GRM8: variants seen among roughly 807,000 people sequenced by gnomAD.
GRM8 encodes metabotropic glutamate receptor 8.
In GRM8, 47 loss-of-function variants were observed where a neutral mutation model predicts 87.2. The ratio of observed to expected loss-of-function variants is 0.54; its 90% CI spans 0.43 to 0.69. GRM8 has a LOEUF of 0.69. GRM8 is among the 30% of genes least tolerant of loss of function. The pLI is 0.00. For missense variants in GRM8, 1,019 were observed against 1,139.2 expected (o/e 0.89, Z 1.52); for synonymous variants, 396 against 404.5 (o/e 0.98, Z 0.25).
At chr7:127,004,606 T>C (rs370217604) in intron 3 of GRM8, among the ~76,000 whole-genome samples, 11 of 151,690 alleles carry the variant, frequency 7.3e-5, no homozygotes, top group Admixed American at 2.6e-4. Flanking sequence ...AATGATCATC[T>C]GTAAGAAAGT....
intron 9 of GRM8, among the ~76,000 whole-genome samples, chr7:126,455,456 C>T (rs1181009328): frequency 1.3e-5 from 2 of 151,418 alleles, no homozygotes; most frequent in African/African-American, 4.8e-5. Flanking sequence ...ATAATAGAGG[C>T]ACAGTTAAAG....
At chr7:127,073,070 T>C (rs1219500920) in intron 3 of GRM8, among the ~76,000 whole-genome samples, 5 of 151,984 alleles carry the variant, frequency 3.3e-5, no homozygotes, top group African/African-American at 1.2e-4. Context: ...GGAGAGTCAG[T>C]CATCACCGCC....
chr7:126,994,712 C>T (rs1813010052), intron 3 of GRM8, among the ~76,000 whole-genome samples: 1 of 152,102 alleles, frequency 6.6e-6, no homozygotes, highest in South Asian at 2.1e-4. Context: ...TGAGTACCAG[C>T]TTAGCCACAA....
intron 6 of GRM8, among the ~76,000 whole-genome samples, chr7:126,813,863 A>G (rs948763050): frequency 4.6e-5 from 7 of 152,080 alleles, no homozygotes; most frequent in Non-Finnish European, 1.0e-4. Flanking sequence ...CTCATGTTTT[A>G]TGGGAGCCAT....
At chr7:126,454,174 G>T (rs2150495326) in intron 9 of GRM8, among the ~76,000 whole-genome samples, 1 of 151,850 alleles carries the variant, frequency 6.6e-6, no homozygotes, top group South Asian at 2.1e-4. Flanking sequence ...ATTTATCTCT[G>T]AACTATATTT....
At chr7:126,936,319 T>C (rs1450739268) in intron 3 of GRM8, among the ~76,000 whole-genome samples, 1 of 152,176 alleles carries the variant, frequency 6.6e-6, no homozygotes, top group Non-Finnish European at 1.5e-5. Context: ...TTTTCTTTCC[T>C]ATCACTTTTC....
intron 9 of GRM8, among the ~76,000 whole-genome samples, chr7:126,528,210 A>G (rs1814193692): frequency 6.6e-6 from 1 of 151,988 alleles, no homozygotes; most frequent in Admixed American, 6.6e-5. Context: ...TCCATCTCAA[A>G]AAACAACGAC....
chr7:127,016,617 A>G (rs1815697607), intron 3 of GRM8, among the ~76,000 whole-genome samples: 2 of 152,104 alleles, frequency 1.3e-5, no homozygotes, highest in African/African-American at 4.8e-5. Flanking sequence ...AATGAAATGT[A>G]TCATAAACCA....
At chr7:126,977,001 T>C (rs10245486) in intron 3 of GRM8, among the ~76,000 whole-genome samples, 8,468 of 152,188 alleles carry the variant, frequency 0.056, 788 homozygotes, top group African/African-American at 0.19. Context: ...AATTTTTCAA[T>C]TCTGTCCATC....
intron 3 of GRM8, among the ~76,000 whole-genome samples, chr7:127,061,070 C>A (rs1266282023): frequency 6.6e-6 from 1 of 152,192 alleles, no homozygotes; most frequent in East Asian, 1.9e-4. Flanking sequence ...GTATAACAAA[C>A]AACTGCACTT....
intron 7 of GRM8, among the ~76,000 whole-genome samples, chr7:126,640,082 G>A (rs1345688718): frequency 6.6e-6 from 1 of 152,206 alleles, no homozygotes; most frequent in Non-Finnish European, 1.5e-5. Flanking sequence ...TCGAAGGAAT[G>A]TGAGATATGA....
At chr7:126,815,617 G>C (rs1316558717) in intron 6 of GRM8, among the ~76,000 whole-genome samples, 2 of 152,086 alleles carry the variant, frequency 1.3e-5, no homozygotes, top group African/African-American at 4.8e-5. Flanking sequence ...GGTAGTACAG[G>C]CTATATGCTA....
chr7:127,012,942 G>C (rs1023651688), intron 3 of GRM8, among the ~76,000 whole-genome samples: 2 of 152,122 alleles, frequency 1.3e-5, no homozygotes, highest in South Asian at 2.1e-4. Context: ...CAGCCAGAAG[G>C]GGAAACACTA....
intron 3 of GRM8, among the ~76,000 whole-genome samples, chr7:126,944,861 A>G (rs920809142): frequency 1.3e-5 from 2 of 152,256 alleles, no homozygotes; most frequent in Non-Finnish European, 2.9e-5. Flanking sequence ...TCTAAAATCT[A>G]GTAAGTAGAT....
At chr7:126,831,331 C>A (rs1323154669) in intron 6 of GRM8, among the ~76,000 whole-genome samples, 1 of 152,226 alleles carries the variant, frequency 6.6e-6, no homozygotes, top group East Asian at 1.9e-4. Flanking sequence ...GCAGGCAGGC[C>A]TCCTTGAGCT....
chr7:126,507,754 C>CCCT (rs1176623217), intron 9 of GRM8, among the ~76,000 whole-genome samples: 34 of 152,028 alleles, frequency 2.2e-4, no homozygotes, highest in Non-Finnish European at 4.3e-4. Flanking sequence ...CTCTTATTAA[C>CCCT]AATTCCTTCT....
intron 3 of GRM8, among the ~76,000 whole-genome samples, chr7:126,947,870 T>C (rs1444817675): frequency 1.3e-5 from 2 of 152,154 alleles, no homozygotes; most frequent in African/African-American, 4.8e-5. Flanking sequence ...AACTGGCTAA[T>C]GGTGCTCTAA....
chr7:126,497,766 T>C (rs991018745), intron 9 of GRM8, among the ~76,000 whole-genome samples: 7 of 151,984 alleles, frequency 4.6e-5, no homozygotes, highest in Non-Finnish European at 8.8e-5. Context: ...TACTGATGTA[T>C]AAATGTGAGT....
At chr7:126,852,947 CA>C in intron 6 of GRM8, among the ~76,000 whole-genome samples, 1 of 152,194 alleles carries the variant, frequency 6.6e-6, no homozygotes, top group African/African-American at 2.4e-5. Flanking sequence ...TAGTTTTGTT[CA>C]AATGACTTAG....
Sources: gnomAD v4.1 joint callset for allele counts (sites outside exome capture counted in the v4.1 genomes callset) on GRCh38, gnomAD v4.1.1 for gene constraint, MANE v1.5 for transcripts, NCBI Gene and HGNC (gene_info 2026-07-23, HGNC 2026-07-21) for gene names.